The following SPAG4 variants were observed in gnomAD, a reference collection of about 807,000 sequenced individuals.
SPAG4 encodes the protein sperm associated antigen 4.
SPAG4 carries 54 observed loss-of-function variants against 53.9 expected under a neutral mutation model. The observed-to-expected ratio is 1.00, with a 90% CI of 0.80 to 1.26. The LOEUF is 1.26. Ranked by LOEUF, SPAG4 falls within the 50% of genes most tolerant of loss-of-function variation. The probability of loss-of-function intolerance (pLI) is 0.00; values close to 1 mark genes in which losing one functional copy is unlikely to be tolerated. For synonymous variants in SPAG4, 246 were observed against 237.4 expected (o/e 1.04, Z -0.33); for missense variants, 548 against 568.6 (o/e 0.96, Z 0.37).
intron 1 of SPAG4, chr20:35,616,776 T>C (rs1396046831): frequency 3.8e-6 from 1 of 260,932 alleles, no homozygotes; most frequent in Non-Finnish European, 7.4e-6. Context: ...ATTACAGGCG[T>C]GCGCCACCAT....
At chr20:35,619,530 A>G in intron 9 of SPAG4, 49 bp from the exon 10 acceptor site, 1 of 1,590,784 alleles carries the variant, frequency 6.3e-7, no homozygotes, top group Non-Finnish European at 8.6e-7. Flanking sequence ...GGGGAGCGGC[A>G]GCAGTCGCTC....
In SPAG4 at chr20:35,621,075, T is replaced by C; in HGVS notation, c.*53T>C. 6.3e-7 allele frequency: 1 copy of C among 1,586,116 alleles called. No homozygotes were observed. Among genetic ancestry groups the C allele is most frequent in the Non-Finnish European group, 8.6e-7 (1 of 1,157,368 alleles). ...GTTCTGCTGAAGGATACTGGATCAG[T>C]GCTTTCGGGGGCTCTGTTGGGAGAG... is the stretch of plus-strand genomic sequence containing the variant. On this transcript the variant is annotated 3_prime_UTR_variant, in exon 12 of 12. Coordinates refer to ENST00000374273, the MANE Select transcript of SPAG4 (RefSeq NM_003116.3).
Position 35,617,138 on chromosome 20 carries a change from C to T in SPAG4, c.307C>T (p.Pro103Ser). ...GTGGAGCCCTTGGGTTCCCGCAGAA[C>T]CGACTGGGTCTCCAGTAGTCTCTGA... The part of the protein sequence containing the change: ...AATVRGGASE[P>S]TGSPVVSEEP... Residue 103 changes from proline (P) to serine (S), a missense_variant and splice_region_variant, in exon 2 of 12, where the codon CCG (proline) becomes TCG (serine). Pro to Ser is a moderately conservative substitution (Grantham distance 74). Transcript: ENST00000374273. 1 of 1,580,352 alleles carries T rather than the reference C, an allele frequency of 6.3e-7. No homozygotes were observed. Among genetic ancestry groups the T allele is most frequent in the Non-Finnish European group, 8.6e-7 (1 of 1,162,264 alleles).
chr20:35,616,084 G>A lies in SPAG4; in HGVS notation c.81G>A (p.Met27Ile), dbSNP rs749156352. The change falls in exon 1 of 12, where the codon ATG (methionine) becomes ATA (isoleucine). Residue 27 changes from methionine (M) to isoleucine (I), a missense_variant. Transcript: ENST00000374273. ...ACTTTTTCAGCGAGAACAGCTCAATGAGCATCACCTCGGAGGACAGCAAAG... is the reference window on the plus strand; with the variant it reads ...ACTTTTTCAGCGAGAACAGCTCAATAAGCATCACCTCGGAGGACAGCAAAG... The part of the protein sequence containing the change: ...TPNFFSENSS[M>I]SITSEDSKGL... 3 of 1,611,922 alleles carry A rather than the reference G, an allele frequency of 1.9e-6. No homozygotes were observed. The highest frequency in any genetic ancestry group is 4.5e-5 in the East Asian group (2 of 44,800).
intron 2 of SPAG4, 128 bp downstream of exon 2, chr20:35,617,368 C>G: frequency 1.1e-6 from 1 of 947,550 alleles, no homozygotes; most frequent in Non-Finnish European, 1.6e-6. Flanking sequence ...CATTCCTAGC[C>G]CCCATCCAAT....
At chr20:35,616,332 G>A (rs2031377645) in intron 1 of SPAG4, 25 bp downstream of exon 1, 3 of 1,447,976 alleles carry the variant, frequency 2.1e-6, no homozygotes, top group Non-Finnish European at 2.7e-6. Context: ...GACCCCGGGT[G>A]AGCCAGTGGA....
At position 35,617,837 on chromosome 20, in the gene SPAG4, T is replaced by A; in HGVS notation, c.535T>A (p.Ser179Thr). Residue 179 changes from serine to threonine, a missense_variant, in exon 4 of 12, where the codon TCA becomes ACA. Ser to Thr is a moderately conservative substitution (Grantham distance 58). Transcript: ENST00000374273. ...TGTGTCGCTGCTGAGCCTCTTTCTG[T>A]CAGGTGAGGGGCAGTGAATTCCCTG... ...TAVSLLSLFL[S>T]AFWLGLLYLV... 1 of 1,613,970 alleles carries A rather than the reference T, an allele frequency of 6.2e-7. No individual in the cohort carries two copies. The highest frequency in any genetic ancestry group is 8.5e-7 in the Non-Finnish European group (1 of 1,179,928).
chr20:35,617,976 C>A, intron 4 of SPAG4, 111 bp from the exon 5 acceptor site: 1 of 1,365,032 alleles, frequency 7.3e-7, no homozygotes, highest in Non-Finnish European at 1.0e-6. Context: ...CTCAGACTCC[C>A]ACGGTCCTCC....
chr20:35,618,473 A>C lies in SPAG4; in HGVS notation c.606A>C (p.Leu202=). 6.2e-7 allele frequency: 1 copy of C among 1,613,922 alleles called. No homozygotes were observed. The highest frequency in any genetic ancestry group is 8.5e-7 in the Non-Finnish European group (1 of 1,179,920). The change falls in exon 6 of 12, where the codon CTA becomes CTC. Residue 202 remains leucine, a splice_region_variant and synonymous_variant. Coordinates refer to ENST00000374273, the MANE Select transcript of SPAG4 (RefSeq NM_003116.3). ...LENEPKEMLT[L]SEYHERVRSQ... ...AGGAACCTAAGGAGATGCTGACTCT[A>C]AGGTGAAAGAGGGCACCTAGGGTGG...
Position 35,615,876 on chromosome 20 carries a change from G to GC in SPAG4, c.-127dup. 1 of 840,092 alleles carries GC rather than the reference G, an allele frequency of 1.2e-6. No individual in the cohort carries two copies. The highest frequency in any genetic ancestry group is 1.8e-6 in the Non-Finnish European group (1 of 568,690). The allele number at this position is 840,092 out of a possible 1,614,324, so 52.0% of individuals were successfully genotyped here. ...ACACAGCGGGAGGGCAGGTGCGGCC[G>GC]CGGGGCCTGCCGACTTCACGCAGGG... On this transcript the variant is annotated 5_prime_UTR_variant, in exon 1 of 12. Coordinates refer to ENST00000374273, the MANE Select transcript of SPAG4 (RefSeq NM_003116.3).
chr20:35,618,209 G>A (rs1279369344), intron 5 of SPAG4, 79 bp downstream of exon 5: 3 of 1,383,794 alleles, frequency 2.2e-6, no homozygotes, highest in Admixed American at 3.9e-5. Flanking sequence ...CTGGACTGTC[G>A]GTCTGCTGGG....
At chr20:35,616,492 GA>G in intron 1 of SPAG4, 185 bp downstream of exon 1, 6 of 653,204 alleles carry the variant, frequency 9.2e-6, no homozygotes, top group Non-Finnish European at 1.1e-5. Context: ...ACGGTTATGG[GA>G]AGGGGCGGGG....
rs571039924 is a variant in SPAG4, at chr20:35,620,760, C to T, written c.1154C>T (p.Thr385Ile). 5.6e-6 allele frequency: 9 copies of T among 1,613,798 alleles called. No individual in the cohort carries two copies. The highest frequency in any genetic ancestry group is 5.3e-5 in the African/African-American group (4 of 74,934). The change falls in exon 11 of 12, where the codon ACT becomes ATT. Residue 385 changes from threonine (T) to isoleucine (I), a missense_variant. Transcript: ENST00000374273. ...GATGTTGAGAAATCGGAGATTCAGA[C>T]TTTCCACCTGCAGGTGTGTTTGTCT... ...TFDVEKSEIQ[T>I]FHLQNDPPAA...
intron 9 of SPAG4, 101 bp downstream of exon 9, chr20:35,619,411 G>A: frequency 7.1e-7 from 1 of 1,405,730 alleles, no homozygotes; most frequent in Non-Finnish European, 1.0e-6. Context: ...CGAGGGCGTG[G>A]AGGATGGCGT....
chr20:35,616,934 G>A, intron 1 of SPAG4: 1 of 577,130 alleles, frequency 1.7e-6, no homozygotes, highest in Non-Finnish European at 3.1e-6. Flanking sequence ...CCGGCCAGGA[G>A]ACCAACTCTT....
In SPAG4 at chr20:35,616,219, G is replaced by C; in HGVS notation, c.216G>C (p.Trp72Cys). The C allele has an allele frequency of 6.4e-7, 1 of 1,574,454 alleles. No homozygotes were observed. Among genetic ancestry groups the C allele is most frequent in the Non-Finnish European group, 8.6e-7 (1 of 1,163,126 alleles). ...CGGGAGTGCCCGGAGGAACCACATG[G>C]GCAGGAAGCTCTCAGCAGAAGCCAG... ...LSAGVPGGTT[W>C]AGSSQQKPAP... The change falls in exon 1 of 12, where the codon TGG (tryptophan) becomes TGC (cysteine). Residue 72 changes from tryptophan (W) to cysteine (C), a missense_variant. Transcript: ENST00000374273.
intron 5 of SPAG4, 132 bp downstream of exon 5, chr20:35,618,262 G>C: frequency 9.2e-7 from 1 of 1,092,582 alleles, no homozygotes; most frequent in Non-Finnish European, 1.3e-6. Flanking sequence ...GAAAGGGCTG[G>C]ATATAAACAG....
chr20:35,615,957 C>A lies in SPAG4; in HGVS notation c.-47C>A. ...GAAGGAGGCCCCAGGGCCTTGGCGA[C>A]CGCAGCGGCGGCTTTAGCGTCAGTG... On this transcript the variant is annotated 5_prime_UTR_variant, in exon 1 of 12. Transcript: ENST00000374273. The A allele has an allele frequency of 1.3e-5, 20 of 1,592,776 alleles. No individual in the cohort carries two copies. Among genetic ancestry groups the A allele is most frequent in the Non-Finnish European group, 1.7e-5 (20 of 1,170,720 alleles).
At position 35,618,628 on chromosome 20, in the gene SPAG4, G is replaced by C. The variant is rs980161991; in HGVS notation, c.625G>C (p.Val209Leu). The change falls in exon 7 of 12, where the codon GTG (valine) becomes CTG (leucine). Residue 209 changes from valine to leucine, a missense_variant. By Grantham distance (32) the Val-to-Leu change is conservative. Coordinates refer to ENST00000374273, the MANE Select transcript of SPAG4 (RefSeq NM_003116.3). ...MLTLSEYHER[V>L]RSQGQQLQQL... ...CACCTCCAGTGAGTACCACGAGCGC[G>C]TGCGCTCCCAGGGGCAGCAGCTGCA... 2.0e-5 allele frequency: 32 copies of C among 1,599,710 alleles called. No homozygotes were observed. The highest frequency in any genetic ancestry group is 3.5e-4 in the Middle Eastern group (2 of 5,636).
Sources: allele counts gnomAD v4.1 joint callset, GRCh38; gene constraint gnomAD v4.1.1; transcripts MANE v1.5; gene names NCBI Gene and HGNC (gene_info 2026-07-23, HGNC 2026-07-21).